The following POLR3B variants were observed in gnomAD, a reference collection of about 807,000 sequenced individuals.
The protein encoded by POLR3B is RNA polymerase III subunit B.
Under a neutral mutation model 147.4 loss-of-function variants are expected in POLR3B, and 96 were observed. The ratio of observed to expected loss-of-function variants is 0.65; its 90% CI spans 0.55 to 0.77. POLR3B has a LOEUF of 0.77. Ranked by LOEUF, POLR3B falls within the 30% of genes least tolerant of loss-of-function variation. POLR3B has a pLI of 0.00. For synonymous variants in POLR3B, 461 were observed against 485.9 expected (o/e 0.95, Z 0.67); for missense variants, 1,036 against 1,413.5 (o/e 0.73, Z 4.28).
intron 14 of POLR3B, among the ~76,000 whole-genome samples, chr12:106,430,834 T>C (rs2037501015): frequency 1.3e-5 from 2 of 152,180 alleles, no homozygotes; most frequent in Non-Finnish European, 2.9e-5. Flanking sequence ...GAGCAGCTCC[T>C]TATTGTCCTT....
rs145142929 is a variant in POLR3B, at chr12:106,480,802, C to T, written c.2714-15253C>T. On this transcript the variant is annotated intron_variant, in intron 23 of 27. Coordinates refer to ENST00000228347, the MANE Select transcript of POLR3B (RefSeq NM_018082.6). Reference sequence around the variant, plus strand: ...AAATAGATTAAAGTTCCAACCCTTGCGGGGCTTGTGTTCTTGTGGGCAAGA... The same window carrying T: ...AAATAGATTAAAGTTCCAACCCTTGTGGGGCTTGTGTTCTTGTGGGCAAGA... Among the ~76,000 whole-genome samples, 818 of 150,028 alleles carry T rather than the reference C, an allele frequency of 5.5e-3. 10 individuals carry two copies. Among genetic ancestry groups the T allele is most frequent in the Middle Eastern group, 0.028 (8 of 288 alleles).
chr12:106,463,959 A>G (rs997515690), intron 23 of POLR3B, among the ~76,000 whole-genome samples: 6 of 151,898 alleles, frequency 4.0e-5, no homozygotes, highest in African/African-American at 1.5e-4. Flanking sequence ...TGAAAGATAC[A>G]TCTTTAAACT....
At chr12:106,399,202 G>A (rs577190509) in intron 10 of POLR3B, among the ~76,000 whole-genome samples, 6 of 152,150 alleles carry the variant, frequency 3.9e-5, no homozygotes, top group Non-Finnish European at 5.9e-5. Context: ...CTCAGTAGCC[G>A]ATGCAACTGG....
At chr12:106,365,814 G>A (rs978903140) in intron 2 of POLR3B, among the ~76,000 whole-genome samples, 8 of 150,912 alleles carry the variant, frequency 5.3e-5, no homozygotes, top group African/African-American at 1.7e-4. Flanking sequence ...AGCCGAGATC[G>A]CACCACTGTA....
At chr12:106,374,008 T>A (rs937656012) in intron 6 of POLR3B, among the ~76,000 whole-genome samples, 2 of 152,098 alleles carry the variant, frequency 1.3e-5, no homozygotes, top group African/African-American at 4.8e-5. Context: ...TTTCTCACCC[T>A]TCCCCAACTG....
chr12:106,373,821 A>AT (rs1158402976), intron 6 of POLR3B, among the ~76,000 whole-genome samples: 16 of 152,090 alleles, frequency 1.1e-4, no homozygotes, highest in Non-Finnish European at 1.9e-4. Context: ...ATATGGTTAG[A>AT]TTTTTTAAAA....
Position 106,369,582 on chromosome 12 carries a change from G to C in POLR3B, c.304-1G>C. 6.3e-7 allele frequency: 1 copy of C among 1,598,152 alleles called. No homozygotes were observed. Among genetic ancestry groups the C allele is most frequent in the Non-Finnish European group, 8.6e-7 (1 of 1,165,446 alleles). On this transcript the variant is annotated splice_acceptor_variant, in intron 5 of 27. Coordinates refer to ENST00000228347, the MANE Select transcript of POLR3B (RefSeq NM_018082.6). LOFTEE classifies it high-confidence loss of function. ...CTGTCAGATTCCTGATTCTCTTTCA[G>C]TGCCGTTTGAGAGACATGACATACT...
Position 106,456,916 on chromosome 12 carries a change from G to A in POLR3B, c.2294-222G>A, listed in dbSNP as rs560127954. Among the ~76,000 whole-genome samples the A allele has an allele frequency of 3.3e-5, 5 of 152,278 alleles. No individual in the cohort carries two copies. The East Asian group carries it at 9.6e-4, about 29-fold the overall frequency. On this transcript the variant is annotated intron_variant, in intron 20 of 27. Transcript: ENST00000228347. ...GCAGAAAATGGTTGTAGAGATTCCA[G>A]TGTTTACACAGACAGTAGGTAGGGG...
chr12:106,469,634 A>G (rs1461794284), intron 23 of POLR3B, among the ~76,000 whole-genome samples: 1 of 152,108 alleles, frequency 6.6e-6, no homozygotes, highest in Non-Finnish European at 1.5e-5. Context: ...AGCTCTTGTA[A>G]GGCAGGCCTG....
intron 23 of POLR3B, among the ~76,000 whole-genome samples, chr12:106,483,621 A>C (rs1424104368): frequency 6.6e-6 from 1 of 152,228 alleles, no homozygotes; most frequent in East Asian, 1.9e-4. Context: ...CTTCTAGTAT[A>C]AGAGTTCTTT....
chr12:106,409,047 C>T (rs1398816265), intron 11 of POLR3B, among the ~76,000 whole-genome samples: 1 of 152,042 alleles, frequency 6.6e-6, no homozygotes, highest in Non-Finnish European at 1.5e-5. Context: ...GAATCTACTA[C>T]CAGTGTTTAT....
chr12:106,478,186 C>T (rs1286105894), intron 23 of POLR3B, among the ~76,000 whole-genome samples: 6 of 151,994 alleles, frequency 3.9e-5, no homozygotes, highest in African/African-American at 7.3e-5. Context: ...GGATTACAGA[C>T]GTGAGCCACC....
intron 10 of POLR3B, among the ~76,000 whole-genome samples, chr12:106,394,403 T>A (rs1420756079): frequency 6.6e-6 from 1 of 152,152 alleles, no homozygotes; most frequent in Non-Finnish European, 1.5e-5. Flanking sequence ...GTCCAAGGGT[T>A]CCAAGAACAT....
intron 12 of POLR3B, among the ~76,000 whole-genome samples, chr12:106,423,873 C>T (rs1473213660): frequency 1.3e-5 from 2 of 148,708 alleles, no homozygotes; most frequent in South Asian, 2.1e-4. Context: ...TTTTTTTCCT[C>T]GGGACAAGAG....
intron 1 of POLR3B, among the ~76,000 whole-genome samples, chr12:106,358,759 T>C (rs1359020361): frequency 6.6e-6 from 1 of 152,126 alleles, no homozygotes; most frequent in African/African-American, 2.4e-5. Context: ...AATCCAGTAG[T>C]ATTAGAGTGA....
At chr12:106,484,859 A>G (rs2038316408) in intron 23 of POLR3B, among the ~76,000 whole-genome samples, 1 of 152,234 alleles carries the variant, frequency 6.6e-6, no homozygotes, top group South Asian at 2.1e-4. Context: ...TAAGCTTGGT[A>G]TATTCAAGGA....
chr12:106,379,995 G>A (rs930955038), intron 8 of POLR3B, 36 bp from the exon 9 acceptor site: 2 of 1,175,222 alleles, frequency 1.7e-6, no homozygotes, highest in East Asian at 2.3e-5. Context: ...GAAACTAAGT[G>A]GGGATGCAGT....
At chr12:106,373,525 G>A (rs1462730045) in intron 6 of POLR3B, among the ~76,000 whole-genome samples, 2 of 152,080 alleles carry the variant, frequency 1.3e-5, no homozygotes, top group Admixed American at 6.6e-5. Flanking sequence ...AGGCTGAGGC[G>A]GGTGGATCAC....
chr12:106,467,248 CTGTT>C (rs1318237256), intron 23 of POLR3B, among the ~76,000 whole-genome samples: 2 of 152,106 alleles, frequency 1.3e-5, no homozygotes, highest in Non-Finnish European at 2.9e-5. Flanking sequence ...ATTTTGCTCT[CTGTT>C]TGTCTGTTAT....
Sources: gnomAD v4.1 joint callset for allele counts (sites outside exome capture counted in the v4.1 genomes callset) on GRCh38, gnomAD v4.1.1 for gene constraint, MANE v1.5 for transcripts, NCBI Gene and HGNC (gene_info 2026-07-23, HGNC 2026-07-21) for gene names.